RGS8: variants seen among roughly 807,000 people sequenced by gnomAD.
RGS8 encodes the protein regulator of G protein signaling 8.
In RGS8, 8 loss-of-function variants were observed where a neutral mutation model predicts 21.7. The ratio of observed to expected loss-of-function variants is 0.37; its 90% CI spans 0.22 to 0.66. The LOEUF is 0.66. Among genes scored for constraint, RGS8 ranks in the 30% least tolerant of loss-of-function variants. RGS8 has a pLI of 0.59. For synonymous variants in RGS8, 80 were observed against 83.6 expected, an observed-to-expected ratio of 0.96 and a Z score of 0.24; for missense variants, 157 against 217.9, an observed-to-expected ratio of 0.72 and a Z score of 1.76.
chr1:182,666,827 AC>A, intron 4 of RGS8, 44 bp downstream of exon 5: 1 of 1,412,462 alleles, frequency 7.1e-7, no homozygotes, highest in Non-Finnish European at 1.0e-6. Context: ...GAGCTATATG[AC>A]TTGCTGTATT....
chr1:182,680,059 A>T (rs1255234014), intron 1 of RGS8, among the ~76,000 whole-genome samples: 7 of 152,096 alleles, frequency 4.6e-5, no homozygotes, highest in African/African-American at 1.4e-4. Flanking sequence ...GCTCTGGCTC[A>T]TGTCCTTACG....
At chr1:182,709,514 C>G in the RGS8 span, among the ~76,000 whole-genome samples, 46 of 152,278 alleles carry the variant, frequency 3.0e-4, 1 homozygote, top group Admixed American at 2.3e-3. Flanking sequence ...CTTTGGAACT[C>G]AGGGACTGAG....
At chr1:182,679,008 G>C (rs1181755782) in intron 1 of RGS8, among the ~76,000 whole-genome samples, 1 of 152,144 alleles carries the variant, frequency 6.6e-6, no homozygotes, top group East Asian at 1.9e-4. Context: ...GCTGCCCTCA[G>C]ATGTGTCTAT....
the RGS8 span, among the ~76,000 whole-genome samples, chr1:182,691,752 C>A: frequency 2.0e-5 from 3 of 151,762 alleles, no homozygotes; most frequent in African/African-American, 7.3e-5. Flanking sequence ...CCCTTGAAAG[C>A]TGGAACAAGA....
the RGS8 span, among the ~76,000 whole-genome samples, chr1:182,713,113 C>T: frequency 4.6e-5 from 7 of 152,140 alleles, no homozygotes; most frequent in Non-Finnish European, 7.4e-5. Context: ...GTGGCTCACT[C>T]GAAGATACAT....
chr1:182,746,332 A>C, the RGS8 span, among the ~76,000 whole-genome samples: 28 of 152,232 alleles, frequency 1.8e-4, no homozygotes, highest in Admixed American at 1.2e-3. Flanking sequence ...AACTTCTTAG[A>C]TGCAAACACA....
At chr1:182,738,990 G>A in the RGS8 span, among the ~76,000 whole-genome samples, 4 of 152,224 alleles carry the variant, frequency 2.6e-5, no homozygotes, top group Non-Finnish European at 4.4e-5. Context: ...GGTTAGATCT[G>A]TAGTTGTATC....
chr1:182,727,455 T>A, the RGS8 span, among the ~76,000 whole-genome samples: 11 of 152,354 alleles, frequency 7.2e-5, no homozygotes, highest in African/African-American at 2.6e-4. Context: ...AGTTTTTCTC[T>A]TCGTGACATT....
chr1:182,657,863 C>CA (rs1553218712), intron 5 of RGS8, among the ~76,000 whole-genome samples: 1 of 152,174 alleles, frequency 6.6e-6, no homozygotes, highest in Non-Finnish European at 1.5e-5. Context: ...AAGGAGTCAT[C>CA]ATACAGAACA....
At chr1:182,727,238 C>T in the RGS8 span, among the ~76,000 whole-genome samples, 1 of 152,220 alleles carries the variant, frequency 6.6e-6, no homozygotes, top group African/African-American at 2.4e-5. Context: ...GGACAAATAA[C>T]TTAACCTCTC....
chr1:182,655,568 TCCA>T (rs1663234656), intron 5 of RGS8, among the ~76,000 whole-genome samples: 2 of 152,268 alleles, frequency 1.3e-5, no homozygotes, highest in Middle Eastern at 3.4e-3. Context: ...AGGCAGAAGC[TCCA>T]CGAGTCTCAG....
intron 3 of RGS8, among the ~76,000 whole-genome samples, chr1:182,669,118 T>C (rs1423268893): frequency 6.6e-6 from 1 of 152,266 alleles, no homozygotes; most frequent in Non-Finnish European, 1.5e-5. Context: ...TGCAAAAATC[T>C]TCAACAAAAT....
chr1:182,730,593 C>T, the RGS8 span, among the ~76,000 whole-genome samples: 1 of 152,132 alleles, frequency 6.6e-6, no homozygotes, highest in East Asian at 1.9e-4. Context: ...GCCTGTAATC[C>T]CAACTACTTG....
At chr1:182,710,015 G>A in the RGS8 span, among the ~76,000 whole-genome samples, 41 of 152,114 alleles carry the variant, frequency 2.7e-4, no homozygotes, top group Non-Finnish European at 5.0e-4. Context: ...GTTTCACTAA[G>A]GTTTCACATT....
intron 3 of RGS8, among the ~76,000 whole-genome samples, chr1:182,668,905 A>C (rs538025842): frequency 6.6e-6 from 1 of 152,342 alleles, no homozygotes; most frequent in South Asian, 2.1e-4. Context: ...CCACAGACCA[A>C]AGCCCAACTT....
the RGS8 span, among the ~76,000 whole-genome samples, chr1:182,750,882 C>T: frequency 6.6e-6 from 1 of 152,042 alleles, no homozygotes; most frequent in African/African-American, 2.4e-5. Flanking sequence ...CAACTTAAGG[C>T]AGAATGTAAT....
At chr1:182,658,309 T>C (rs1281958908) in intron 5 of RGS8, 5 of 152,208 alleles carry the variant, frequency 3.3e-5, no homozygotes, top group Non-Finnish European at 7.3e-5. Context: ...TAGGTAACAG[T>C]TCAAGGCCCA....
chr1:182,648,540 C>G (rs1004946358), intron 5 of RGS8, among the ~76,000 whole-genome samples: 2 of 151,980 alleles, frequency 1.3e-5, no homozygotes, highest in South Asian at 4.2e-4. Context: ...TCGAGACCAG[C>G]CTGGCCAAAA....
chr1:182,751,643 A>T, the RGS8 span, among the ~76,000 whole-genome samples: 47 of 152,198 alleles, frequency 3.1e-4, no homozygotes, highest in East Asian at 8.7e-3. Flanking sequence ...AAGATCAATG[A>T]TTTTTGCTAT....
Sources: allele counts gnomAD v4.1 joint callset (sites outside exome capture counted in the v4.1 genomes callset), GRCh38; gene constraint gnomAD v4.1.1; transcripts MANE v1.5; gene names NCBI Gene and HGNC (gene_info 2026-07-23, HGNC 2026-07-21).